Variants in COP1 observed in about 807,000 individuals in gnomAD.
COP1 encodes the protein E3 ubiquitin-protein ligase COP1.
Under a neutral mutation model 101.3 loss-of-function variants are expected in COP1, and 24 were observed. The ratio of observed to expected loss-of-function variants is 0.24; its 90% CI spans 0.17 to 0.33. COP1 has a LOEUF of 0.33. Ranked by LOEUF, COP1 falls within the 10% of genes least tolerant of loss-of-function variation. The pLI is 1.00. For synonymous variants in COP1, 347 were observed against 341.9 expected, an observed-to-expected ratio of 1.01 and a Z score of -0.17; for missense variants, 663 against 906.2, an observed-to-expected ratio of 0.73 and a Z score of 3.45.
At chr1:176,193,726 G>A (rs1367327577) in intron 1 of COP1, among the ~76,000 whole-genome samples, 9 of 152,108 alleles carry the variant, frequency 5.9e-5, no homozygotes, top group African/African-American at 2.2e-4. Context: ...TTATATGATT[G>A]CATTTATATG....
chr1:176,163,099 A>T, intron 4 of COP1, 111 bp from the exon 5 acceptor site: 1 of 1,055,336 alleles, frequency 9.5e-7, no homozygotes, highest in Non-Finnish European at 1.3e-6. Context: ...AGATATCGAA[A>T]ATATATTATA....
chr1:176,164,888 T>C lies in COP1; in HGVS notation c.566-997A>G, dbSNP rs183302665. Among the ~76,000 whole-genome samples, 5 of 152,338 alleles carry C rather than the reference T, an allele frequency of 3.3e-5. No homozygotes were observed. In the East Asian group the frequency reaches 7.7e-4, roughly 23 times the overall value. ...ACCACTAGGCTAGGAAGGCACTTTA[T>C]AGACAATATCTTACAGATTATTTTC... is the stretch of plus-strand genomic sequence containing the variant. On this transcript the variant is annotated intron_variant, in intron 3 of 19. Transcript: ENST00000367669.
At chr1:175,964,953 T>C (rs1651819219) in intron 18 of COP1, among the ~76,000 whole-genome samples, 1 of 152,342 alleles carries the variant, frequency 6.6e-6, no homozygotes, top group Non-Finnish European at 1.5e-5. Flanking sequence ...AATGTCTTGT[T>C]TTCTCATTGC....
chr1:176,169,874 C>G (rs545754082), intron 3 of COP1, among the ~76,000 whole-genome samples: 1 of 152,344 alleles, frequency 6.6e-6, no homozygotes, highest in South Asian at 2.1e-4. Flanking sequence ...AGTAGAATTT[C>G]TTTCAAAGTT....
At chr1:176,196,968 G>A (rs1699767625) in intron 1 of COP1, among the ~76,000 whole-genome samples, 1 of 151,752 alleles carries the variant, frequency 6.6e-6, no homozygotes, top group African/African-American at 2.4e-5. Context: ...GAAAGAAAAA[G>A]TGAAACCAGC....
At chr1:175,949,744 T>C (rs1445383517) in intron 18 of COP1, among the ~76,000 whole-genome samples, 3 of 152,108 alleles carry the variant, frequency 2.0e-5, no homozygotes, top group African/African-American at 7.2e-5. Context: ...GACAGGACAA[T>C]GAAAAATTTA....
chr1:175,968,841 T>C (rs1372924634), intron 18 of COP1, among the ~76,000 whole-genome samples: 2 of 152,240 alleles, frequency 1.3e-5, no homozygotes, highest in African/African-American at 2.4e-5. Flanking sequence ...TGATTATCCT[T>C]GTCACACTGC....
At chr1:175,961,559 G>A (rs1168209717) in intron 18 of COP1, among the ~76,000 whole-genome samples, 1 of 151,988 alleles carries the variant, frequency 6.6e-6, no homozygotes, top group Non-Finnish European at 1.5e-5. Context: ...GGCTGGGTGT[G>A]GTGGCTCATG....
chr1:176,180,610 AAT>A (rs1697610284), intron 2 of COP1, among the ~76,000 whole-genome samples: 3 of 152,246 alleles, frequency 2.0e-5, no homozygotes, highest in Admixed American at 1.3e-4. Context: ...GCTAATAAAA[AAT>A]GTGTATTTCT....
rs1382980219 is a variant in COP1 at position 176,006,040 on chromosome 1, G to A, written c.1730-16561C>T. 3.9e-5 allele frequency among the ~76,000 whole-genome samples: 6 copies of A among 152,100 alleles called. No homozygotes were observed. The East Asian group carries it at 7.7e-4, about 20-fold the overall frequency. ...TATGAGTCTGGGTGCCCTTGTATTG[G>A]GTGCATATATATTTAGGATAGTTAG... On this transcript the variant is annotated intron_variant, in intron 15 of 19. Transcript: ENST00000367669.
At chr1:176,100,388 C>CAAA (rs56184017) in intron 9 of COP1, 4 of 97,924 alleles carry the variant, frequency 4.1e-5, no homozygotes, top group African/African-American at 7.2e-5. Context: ...GACTTTGTCT[C>CAAA]AAAAAAAAAA....
At chr1:176,145,868 G>A (rs1290510196) in intron 6 of COP1, among the ~76,000 whole-genome samples, 1 of 152,152 alleles carries the variant, frequency 6.6e-6, no homozygotes. Flanking sequence ...TACCTAATGG[G>A]CAAGGAAGAT....
intron 6 of COP1, among the ~76,000 whole-genome samples, chr1:176,142,322 A>G (rs937776626): frequency 6.6e-6 from 1 of 152,088 alleles, no homozygotes; most frequent in African/African-American, 2.4e-5. Context: ...CAACAATAAT[A>G]AAAAAAGAAA....
At chr1:176,126,020 C>G (rs1473026389) in intron 8 of COP1, among the ~76,000 whole-genome samples, 1 of 152,132 alleles carries the variant, frequency 6.6e-6, no homozygotes, top group Non-Finnish European at 1.5e-5. Context: ...TCACATCGTT[C>G]ACTGCTGGCA....
At chr1:176,176,845 ATAGT>A (rs1697009523) in intron 2 of COP1, among the ~76,000 whole-genome samples, 1 of 152,168 alleles carries the variant, frequency 6.6e-6, no homozygotes, top group African/African-American at 2.4e-5. Flanking sequence ...AAATAATGTC[ATAGT>A]TAAAGAGTAT....
At chr1:176,190,741 A>G (rs12144612) in intron 1 of COP1, among the ~76,000 whole-genome samples, 10,291 of 152,064 alleles carry the variant, frequency 0.068, 451 homozygotes, top group Non-Finnish European at 0.087. Context: ...AGTGAATTTA[A>G]TAAGTACTTA....
chr1:176,099,537 C>A (rs1012207676), intron 9 of COP1, among the ~76,000 whole-genome samples: 4 of 149,758 alleles, frequency 2.7e-5, no homozygotes, highest in African/African-American at 1.0e-4. Flanking sequence ...CTCTCTCTCT[C>A]TCTCCCTGGC....
chr1:176,206,487 C>T, intron 1 of COP1, 85 bp downstream of exon 1: 1 of 1,507,262 alleles, frequency 6.6e-7, no homozygotes, highest in Non-Finnish European at 9.0e-7. Flanking sequence ...CAACAAGCCA[C>T]CCCCACACCA....
chr1:176,009,063 A>G (rs1201433095), intron 15 of COP1, among the ~76,000 whole-genome samples: 1 of 152,092 alleles, frequency 6.6e-6, no homozygotes, highest in Admixed American at 6.5e-5. Flanking sequence ...CTGGATATGC[A>G]CACTACACCT....
Sources: gnomAD v4.1 joint callset for allele counts (sites outside exome capture counted in the v4.1 genomes callset) on GRCh38, gnomAD v4.1.1 for gene constraint, MANE v1.5 for transcripts, NCBI Gene and HGNC (gene_info 2026-07-23, HGNC 2026-07-21) for gene names.